The following TAP1 variants were observed in gnomAD, a reference collection of about 807,000 sequenced individuals.
TAP1 encodes the protein antigen peptide transporter 1.
A neutral mutation model predicts 79.3 loss-of-function variants in TAP1; 56 were observed. That is an observed-to-expected ratio of 0.71 (90% CI 0.57 to 0.88). The LOEUF is 0.88. Ranked by LOEUF, TAP1 falls within the 40% of genes least tolerant of loss-of-function variation. The pLI is 0.00. For synonymous variants in TAP1, 355 were observed against 401.4 expected (o/e 0.88, Z 1.38); for missense variants, 737 against 936.3 (o/e 0.79, Z 2.78).
chr6:32,853,210 T>G lies in TAP1; in HGVS notation c.427A>C (p.Ser143Arg). 1 of 1,611,798 alleles carries G rather than the reference T, an allele frequency of 6.2e-7. No homozygotes were observed. Among genetic ancestry groups the G allele is most frequent in the Non-Finnish European group, 8.5e-7 (1 of 1,179,494 alleles). ...GCTGCGGGCAGTGCCGCTGCATAAC[T>G]GACAACGAAGGCGGTAGGGTGACTT... ...WGSHPTAFVV[S>R]YAAALPAAAL... is the part of the protein sequence containing the mutation. The change falls in exon 1 of 11, where the codon AGT becomes CGT. Residue 143 changes from serine (S) to arginine (R), a missense_variant. Coordinates refer to ENST00000354258, the MANE Select transcript of TAP1 (RefSeq NM_000593.6). This position sits in a 1 kb window ranked among gnomAD's most constrained non-coding sequence, Gnocchi z 8.3.
Position 32,849,082 on chromosome 6 carries a change from TGTAGAG to T in TAP1, c.1279_1284del (p.Leu427_Tyr428del). 6.3e-7 allele frequency: 1 copy of T among 1,593,722 alleles called. No individual in the cohort carries two copies. The highest frequency in any genetic ancestry group is 8.5e-7 in the Non-Finnish European group (1 of 1,170,864). On this transcript the variant is annotated inframe_deletion, in exon 6 of 11. Transcript: ENST00000354258. ...CCACTGGTCACCAGCTGCCCACCAA[TGTAGAG>T]GATTCCCACTTTCAGCAGCATACCT...
rs1276876002 is a variant in TAP1 at position 32,853,662 on chromosome 6, C to T, written c.-26G>A. 1.2e-6 allele frequency: 2 copies of T among 1,600,106 alleles called. No homozygotes were observed. The highest frequency in any genetic ancestry group is 8.5e-7 in the Non-Finnish European group (1 of 1,175,174). ...TGGCACTCGGACGCCGTCCCGGTCC[C>T]GGCCGGGCCTGGGACTCTCCGCGCC... is the stretch of plus-strand genomic sequence containing the variant. On this transcript the variant is annotated 5_prime_UTR_variant, in exon 1 of 11. Coordinates refer to ENST00000354258, the MANE Select transcript of TAP1 (RefSeq NM_000593.6). This position sits in a 1 kb window ranked among gnomAD's most constrained non-coding sequence, Gnocchi z 8.3.
At position 32,852,171 on chromosome 6, in the gene TAP1, T is replaced by G. The variant is rs143954070; in HGVS notation, c.782A>C (p.Gln261Pro). 6.6e-5 allele frequency: 107 copies of G among 1,613,000 alleles called. No homozygotes were observed. The African/African-American group carries it at 1.3e-3, about 20-fold the overall frequency. ...NTMGHVHSHLQGEVFGAVLRQ... is the reference protein window; with the variant it reads ...NTMGHVHSHLPGEVFGAVLRQ... The stretch of plus-strand genomic sequence containing the variant: ...CAGGACAGCCCCAAACACCTCTCCC[T>G]GCAAGTGGCTGTGCACGTGGCCCAT... The change falls in exon 3 of 11, where the codon CAG becomes CCG. Residue 261 changes from glutamine to proline, a missense_variant. Gln to Pro is a moderately conservative substitution (Grantham distance 76). Around this residue, in one of 5 missense-constraint regions of TAP1, gnomAD observed 406 missense variants for 477.2 expected, o/e 0.85. Transcript: ENST00000354258. The surrounding 1 kb of genome is among the most constrained non-coding windows in gnomAD (Gnocchi z 4.8).
rs143185338 is a variant in TAP1, at chr6:32,852,207, T to C, written c.746A>G (p.Tyr249Cys). The C allele has an allele frequency of 4.6e-5, 75 of 1,612,976 alleles. No homozygotes were observed. In the African/African-American group the frequency reaches 7.2e-4, roughly 15 times the overall value. The change falls in exon 3 of 11, where the codon TAT becomes TGT. Residue 249 changes from tyrosine to cysteine, a missense_variant. Tyr to Cys is a radical substitution (Grantham distance 194). Coordinates refer to ENST00000354258, the MANE Select transcript of TAP1 (RefSeq NM_000593.6). This position sits in a 1 kb window ranked among gnomAD's most constrained non-coding sequence, Gnocchi z 4.8. ...AVLEFVGDGI[Y>C]NNTMGHVHSH... ...GTGCACGTGGCCCATGGTGTTGTTA[T>C]AGATCCCGTCACCCACGAACTCCAG...
rs1770426218 is a variant in TAP1, at chr6:32,846,611, G to A, written c.2040+457C>T. 5.5e-5 allele frequency: 16 copies of A among 290,456 alleles called. 2 individuals are homozygous for A. Among genetic ancestry groups the A allele is most frequent in the South Asian group, 5.2e-4 (16 of 30,516 alleles). 18.0% of individuals were successfully genotyped at this position (290,456 alleles called of 1,614,324 possible). A position where few individuals can be genotyped will look rare whatever the true frequency, so the allele number is the denominator to read the frequency against. On this transcript the variant is annotated intron_variant, in intron 10 of 10. Coordinates refer to ENST00000354258, the MANE Select transcript of TAP1 (RefSeq NM_000593.6). ...GAGGGGGGCAGATTACCTGAGCTCA[G>A]GAATTCAAGGCCAGCCTGGGCAACA...
In TAP1 at chr6:32,845,759, A is replaced by T. The variant is rs771892206; in HGVS notation, c.2067T>A (p.Pro689=). The change falls in exon 11 of 11, where the codon CCT becomes CCA. Residue 689 remains proline (P), a synonymous_variant. Transcript: ENST00000354258. The surrounding 1 kb of genome is among the most constrained non-coding windows in gnomAD (Gnocchi z 4.5). The part of the protein sequence containing the change: ...LQVEQLLYES[P]ERYSRSVLLI... ...GAAGCACTGAGCGGGAGTACCGCTC[A>T]GGGCTTTCGTACAGGAGCTGCTCCA... 1 of 1,612,618 alleles carries T rather than the reference A, an allele frequency of 6.2e-7. No individual in the cohort carries two copies. The highest frequency in any genetic ancestry group is 1.7e-5 in the Admixed American group (1 of 60,034).
In TAP1 at chr6:32,847,538, A is replaced by G. The variant is rs1433372280; in HGVS notation, c.1878T>C (p.Ser626=). ...CTGTGTCATAGCCCTGAGGGAGTCC[A>G]GAGATGAAACTATGGGCCCCAGACT... ...AVKSGAHSFI[S]GLPQGYDTEV... is the part of the protein sequence containing the mutation. The change falls in exon 9 of 11, where the codon TCT becomes TCC. Residue 626 remains serine (S), a synonymous_variant. Coordinates refer to ENST00000354258, the MANE Select transcript of TAP1 (RefSeq NM_000593.6). This position sits in a 1 kb window ranked among gnomAD's most constrained non-coding sequence, Gnocchi z 4.7. The G allele has an allele frequency of 1.9e-6, 3 of 1,613,816 alleles. No homozygotes were observed. In the African/African-American group the frequency reaches 4.0e-5, roughly 22 times the overall value.
rs1045140032 is a variant in TAP1, at chr6:32,848,201, A to G, written c.1567-109T>C. 12 of 1,409,032 alleles carry G rather than the reference A, an allele frequency of 8.5e-6. No homozygotes were observed. The African/African-American group carries it at 1.4e-4, about 17-fold the overall frequency. 87.3% of individuals were successfully genotyped at this position (1,409,032 alleles called of 1,614,324 possible). Reference sequence around the variant, plus strand: ...TCTTACCCCAGAAGAAAAACAGGGAAATATAGAAACTCCTACCCTCCCACA... The same window carrying G: ...TCTTACCCCAGAAGAAAAACAGGGAGATATAGAAACTCCTACCCTCCCACA... On this transcript the variant is annotated intron_variant, in intron 7 of 10. Coordinates refer to ENST00000354258, the MANE Select transcript of TAP1 (RefSeq NM_000593.6).
chr6:32,848,657 G>A lies in TAP1; in HGVS notation c.1561C>T (p.Leu521=), dbSNP rs372643992. 331 of 1,613,840 alleles carry A rather than the reference G, an allele frequency of 2.1e-4. No individual in the cohort carries two copies. The highest frequency in any genetic ancestry group is 2.7e-4 in the Non-Finnish European group (324 of 1,180,018). The part of the protein sequence containing the change: ...AYPNRPDVLV[L]QGLTFTLRPG... ...CAGGGAGTGGTAGGTTGTACCTGTA[G>A]CACTAAGACATCTGGGCGGTTTGGG... The change falls in exon 7 of 11, where the codon CTA becomes TTA. Residue 521 remains leucine (L), a synonymous_variant. Transcript: ENST00000354258.
At position 32,851,455 on chromosome 6, in the gene TAP1, G is replaced by C. The variant is rs1048071309; in HGVS notation, c.845-306C>G. Among the ~76,000 whole-genome samples the C allele has an allele frequency of 5.3e-5, 8 of 152,200 alleles. No individual in the cohort carries two copies. The highest frequency in any genetic ancestry group is 1.9e-4 in the African/African-American group (8 of 41,432). ...TGTCCCATGCTATACACACAGGCAGGAAGAGCTTAAACTGGTCACATAACA... is the reference window on the plus strand; with the variant it reads ...TGTCCCATGCTATACACACAGGCAGCAAGAGCTTAAACTGGTCACATAACA... On this transcript the variant is annotated intron_variant, in intron 3 of 10. Coordinates refer to ENST00000354258, the MANE Select transcript of TAP1 (RefSeq NM_000593.6). This position sits in a 1 kb window ranked among gnomAD's most constrained non-coding sequence, Gnocchi z 4.8.
At position 32,853,223 on chromosome 6, in the gene TAP1, G is replaced by A. The variant is rs1436605249; in HGVS notation, c.414C>T (p.Thr138=). ...TRLLHWGSHP[T]AFVVSYAAAL... is the part of the protein sequence containing the mutation. Reference sequence around the variant, plus strand: ...CCGCTGCATAACTGACAACGAAGGCGGTAGGGTGACTTCCCCAGTGCAGTA... The same window carrying A: ...CCGCTGCATAACTGACAACGAAGGCAGTAGGGTGACTTCCCCAGTGCAGTA... The change falls in exon 1 of 11, where the codon ACC becomes ACT. Residue 138 remains threonine (T), a synonymous_variant. Transcript: ENST00000354258. This position sits in a 1 kb window ranked among gnomAD's most constrained non-coding sequence, Gnocchi z 8.3. 5 of 1,610,026 alleles carry A rather than the reference G, an allele frequency of 3.1e-6. No individual in the cohort carries two copies. The highest frequency in any genetic ancestry group is 2.5e-6 in the Non-Finnish European group (3 of 1,178,582).
Position 32,852,891 on chromosome 6 carries a change from C to T in TAP1, c.598+148G>A. 6.9e-7 allele frequency: 1 copy of T among 1,451,876 alleles called. No homozygotes were observed. The highest frequency in any genetic ancestry group is 9.1e-7 in the Non-Finnish European group (1 of 1,102,404). The allele number at this position is 1,451,876 out of a possible 1,614,324, so 89.9% of individuals were successfully genotyped here. A position where few individuals can be genotyped will look rare whatever the true frequency, so the allele number is the denominator to read the frequency against. On this transcript the variant is annotated intron_variant, in intron 1 of 10. Coordinates refer to ENST00000354258, the MANE Select transcript of TAP1 (RefSeq NM_000593.6). This position sits in a 1 kb window ranked among gnomAD's most constrained non-coding sequence, Gnocchi z 4.8. ...CCAGTCCAGTGCCGTTTCTTCTACA[C>T]CGAAGTGGTGTTCCAAGACCCACGC...
Position 32,852,577 on chromosome 6 carries a change from A to T in TAP1, c.599-75T>A, listed in dbSNP as rs928237704. 17 of 1,588,124 alleles carry T rather than the reference A, an allele frequency of 1.1e-5. No homozygotes were observed. The African/African-American group carries it at 2.2e-4, about 20-fold the overall frequency. ...CAGTTCCAGTCAGACTGGCCCCACC[A>T]CGCCTCCTCCCCCTCACCATTATCC... On this transcript the variant is annotated intron_variant, in intron 1 of 10. Transcript: ENST00000354258. The surrounding 1 kb of genome is among the most constrained non-coding windows in gnomAD (Gnocchi z 4.8).
At position 32,851,289 on chromosome 6, in the gene TAP1, CT is replaced by C; in HGVS notation, c.845-141del. On this transcript the variant is annotated intron_variant, in intron 3 of 10. Coordinates refer to ENST00000354258, the MANE Select transcript of TAP1 (RefSeq NM_000593.6). This position sits in a 1 kb window ranked among gnomAD's most constrained non-coding sequence, Gnocchi z 4.8. The stretch of plus-strand genomic sequence containing the variant: ...GGCTGCAGGAAACAAGGTTAGGGTT[CT>C]CCAGAGGTCTGCAAATCTCAGTGCA... The C allele has an allele frequency of 1.3e-6, 1 of 777,400 alleles. No individual in the cohort carries two copies. Among genetic ancestry groups the C allele is most frequent in the Non-Finnish European group, 2.2e-6 (1 of 454,718 alleles). The allele number at this position is 777,400 out of a possible 1,614,324, so 48.2% of individuals were successfully genotyped here. A position where few individuals can be genotyped will look rare whatever the true frequency, so the allele number is the denominator to read the frequency against.
chr6:32,847,896 C>A lies in TAP1; in HGVS notation c.1740+23G>T, dbSNP rs760110099. Reference sequence around the variant, plus strand: ...TTCGTATTTGATGCTCCCTGCCCTCCTTCAAGCCACCTGCTTCCATACCTG... The same window carrying A: ...TTCGTATTTGATGCTCCCTGCCCTCATTCAAGCCACCTGCTTCCATACCTG... On this transcript the variant is annotated intron_variant, in intron 8 of 10. Coordinates refer to ENST00000354258, the MANE Select transcript of TAP1 (RefSeq NM_000593.6). The surrounding 1 kb of genome is among the most constrained non-coding windows in gnomAD (Gnocchi z 4.7). The A allele has an allele frequency of 1.4e-5, 22 of 1,613,004 alleles. No individual in the cohort carries two copies. The highest frequency in any genetic ancestry group is 1.9e-5 in the Non-Finnish European group (22 of 1,180,046).
chr6:32,845,818 G>A lies in TAP1; in HGVS notation c.2041-33C>T. The A allele has an allele frequency of 6.3e-7, 1 of 1,588,300 alleles. No individual in the cohort carries two copies. Reference sequence around the variant, plus strand: ...AAGACATCGGACCGTCAGAGCCGGGGACTACCCTCAGCCCAGGGAGACACC... The same window carrying A: ...AAGACATCGGACCGTCAGAGCCGGGAACTACCCTCAGCCCAGGGAGACACC... On this transcript the variant is annotated intron_variant, in intron 10 of 10. Transcript: ENST00000354258. The surrounding 1 kb of genome is among the most constrained non-coding windows in gnomAD (Gnocchi z 4.5).
rs753577879 is a variant in TAP1 at position 32,852,477 on chromosome 6, C to T, written c.624G>A (p.Thr208=). 2 of 1,612,876 alleles carry T rather than the reference C, an allele frequency of 1.2e-6. No individual in the cohort carries two copies. The highest frequency in any genetic ancestry group is 2.2e-5 in the East Asian group (1 of 44,882). ...GTAGAATCCAGTCAGTGAGGCGGCC[C>T]GTAAAGAATGGAATGGCCATCTCCC... is the stretch of plus-strand genomic sequence containing the variant. ...SLGEMAIPFF[T]GRLTDWILQD... The change falls in exon 2 of 11, where the codon ACG becomes ACA. Residue 208 remains threonine (T), a synonymous_variant. Transcript: ENST00000354258. The surrounding 1 kb of genome is among the most constrained non-coding windows in gnomAD (Gnocchi z 4.8).
chr6:32,852,397 G>C lies in TAP1; in HGVS notation c.704C>G (p.Thr235Ser), dbSNP rs147066418. ...TRNLTLMSIL[T>S]IASAVLEFVG... Reference sequence around the variant, plus strand: ...TTTTCAGCCCCCAGACCTGGCTATGGTGAGAATGGACATGAGAGTTAAGTT... The same window carrying C: ...TTTTCAGCCCCCAGACCTGGCTATGCTGAGAATGGACATGAGAGTTAAGTT... The change falls in exon 2 of 11, where the codon ACC (threonine) becomes AGC (serine). Residue 235 changes from threonine to serine, a missense_variant. Thr to Ser is a moderately conservative substitution (Grantham distance 58, BLOSUM62 1). Coordinates refer to ENST00000354258, the MANE Select transcript of TAP1 (RefSeq NM_000593.6). The surrounding 1 kb of genome is among the most constrained non-coding windows in gnomAD (Gnocchi z 4.8). 124 of 1,612,948 alleles carry C rather than the reference G, an allele frequency of 7.7e-5. No individual in the cohort carries two copies. The highest frequency in any genetic ancestry group is 1.0e-4 in the Non-Finnish European group (121 of 1,180,032).
At position 32,848,799 on chromosome 6, in the gene TAP1, G is replaced by T. The variant is rs1770605106; in HGVS notation, c.1419C>A (p.Gly473=). Residue 473 remains glycine (G), a synonymous_variant, in exon 7 of 11, where the codon GGC becomes GGA. Transcript: ENST00000354258. ...GGTACTCAAATATTTTCTCTGAGGAGCCCACAGCCTTCTGTACTCTGGGGT... is the reference window on the plus strand; with the variant it reads ...GGTACTCAAATATTTTCTCTGAGGATCCCACAGCCTTCTGTACTCTGGGGT... ...SIYPRVQKAV[G]SSEKIFEYLD... 1 of 1,613,952 alleles carries T rather than the reference G, an allele frequency of 6.2e-7. No homozygotes were observed.
Sources: allele counts gnomAD v4.1 joint callset (sites outside exome capture counted in the v4.1 genomes callset), GRCh38; gene constraint gnomAD v4.1.1; regional missense constraint gnomAD v4.1.1; non-coding constraint Gnocchi (gnomAD v3.1); transcripts MANE v1.5; gene names NCBI Gene and HGNC (gene_info 2026-07-23, HGNC 2026-07-21).